AGTPBP1: variants seen among roughly 807,000 people sequenced by gnomAD.
AGTPBP1 encodes cytosolic carboxypeptidase 1.
A neutral mutation model predicts 143.9 loss-of-function variants in AGTPBP1; 70 were observed. The ratio of observed to expected loss-of-function variants is 0.49; its 90% CI spans 0.40 to 0.59. AGTPBP1 has a LOEUF of 0.59. AGTPBP1 is among the 20% of genes least tolerant of loss of function. The probability of loss-of-function intolerance (pLI) is 0.00; values close to 1 mark genes in which losing one functional copy is unlikely to be tolerated. For missense variants in AGTPBP1, 1,229 were observed against 1,464.5 expected (o/e 0.84, Z 2.62); for synonymous variants, 463 against 500.2 (o/e 0.93, Z 0.99).
chr9:85,549,714 G>C (rs1442587732), intron 25 of AGTPBP1, among the ~76,000 whole-genome samples: 1 of 152,170 alleles, frequency 6.6e-6, no homozygotes, highest in Non-Finnish European at 1.5e-5. Context: ...AGCAATGTTG[G>C]TATCAGGTGT....
chr9:85,701,313 T>G (rs968486005), intron 2 of AGTPBP1, among the ~76,000 whole-genome samples: 1 of 151,438 alleles, frequency 6.6e-6, no homozygotes, highest in Non-Finnish European at 1.5e-5. Context: ...CACTGCAACC[T>G]CTGCTTCCCT....
At chr9:85,629,911 G>C (rs762283909) in intron 14 of AGTPBP1, among the ~76,000 whole-genome samples, 1 of 152,154 alleles carries the variant, frequency 6.6e-6, no homozygotes, top group Non-Finnish European at 1.5e-5. Flanking sequence ...TTAAGGCTGA[G>C]AATCAGAGGC....
intron 3 of AGTPBP1, among the ~76,000 whole-genome samples, chr9:85,692,259 T>C (rs1312007508): frequency 6.6e-6 from 1 of 151,818 alleles, no homozygotes; most frequent in African/African-American, 2.4e-5. Flanking sequence ...TCGAGTCAAT[T>C]TGAGAAAGTT....
intron 25 of AGTPBP1, among the ~76,000 whole-genome samples, chr9:85,562,497 C>G (rs985215874): frequency 6.6e-5 from 10 of 152,196 alleles, no homozygotes; most frequent in African/African-American, 2.4e-4. Context: ...TTAACTCACA[C>G]ACTCAGAAGT....
At chr9:85,675,577 A>G (rs929547820) in intron 6 of AGTPBP1, among the ~76,000 whole-genome samples, 3 of 152,164 alleles carry the variant, frequency 2.0e-5, no homozygotes, top group Non-Finnish European at 2.9e-5. Context: ...AACAATACCC[A>G]TATTGCATGT....
chr9:85,659,042 T>C (rs1257132971), intron 9 of AGTPBP1, among the ~76,000 whole-genome samples: 1 of 152,196 alleles, frequency 6.6e-6, no homozygotes, highest in Admixed American at 6.5e-5. Flanking sequence ...AAACCTTGTG[T>C]GTTTCCACCA....
intron 25 of AGTPBP1, among the ~76,000 whole-genome samples, chr9:85,574,034 G>C (rs1185793831): frequency 1.3e-5 from 2 of 152,242 alleles, no homozygotes; most frequent in African/African-American, 4.8e-5. Flanking sequence ...AGAAAAGGGG[G>C]AAAGGTGGGG....
intron 7 of AGTPBP1, 60 bp downstream of exon 7, chr9:85,672,490 A>T: frequency 6.4e-7 from 1 of 1,552,944 alleles, no homozygotes; most frequent in Non-Finnish European, 8.7e-7. Context: ...AGGATACTTT[A>T]AAATTCTTTT....
At chr9:85,685,266 T>C (rs1490026223) in intron 3 of AGTPBP1, among the ~76,000 whole-genome samples, 1 of 151,832 alleles carries the variant, frequency 6.6e-6, no homozygotes, top group East Asian at 1.9e-4. Context: ...TTCAAAAATC[T>C]CAGTGAATTC....
chr9:85,680,429 C>T (rs1835096517), intron 4 of AGTPBP1, among the ~76,000 whole-genome samples: 1 of 151,942 alleles, frequency 6.6e-6, no homozygotes, highest in South Asian at 2.1e-4. Flanking sequence ...ACTAAAAATA[C>T]AAAAATTAGC....
chr9:85,629,104 A>C (rs972968314), intron 14 of AGTPBP1, among the ~76,000 whole-genome samples: 1 of 152,178 alleles, frequency 6.6e-6, no homozygotes. Flanking sequence ...CAACATATCT[A>C]TGTTTAAAAC....
chr9:85,773,373 C>T, the AGTPBP1 span, among the ~76,000 whole-genome samples: 1 of 122,394 alleles, frequency 8.2e-6, no homozygotes, highest in African/African-American at 3.2e-5. Flanking sequence ...TGCTCTTGCA[C>T]CCAGGCTGGA....
At chr9:85,701,458 GA>G (rs1431089657) in intron 2 of AGTPBP1, among the ~76,000 whole-genome samples, 3 of 151,792 alleles carry the variant, frequency 2.0e-5, no homozygotes, top group Non-Finnish European at 4.4e-5. Flanking sequence ...TTAAACTCCT[GA>G]CCTCAGGTAA....
At chr9:85,802,431 C>A in the AGTPBP1 span, among the ~76,000 whole-genome samples, 36 of 152,194 alleles carry the variant, frequency 2.4e-4, no homozygotes, top group Middle Eastern at 6.8e-3. Context: ...CTGAATATGG[C>A]TAGAGAAAAT....
intron 25 of AGTPBP1, among the ~76,000 whole-genome samples, chr9:85,551,145 G>A (rs376519705): frequency 4.6e-5 from 7 of 152,028 alleles, no homozygotes; most frequent in South Asian, 4.2e-4. Flanking sequence ...CCAAGCAGAC[G>A]GTGGCACCAT....
At chr9:85,742,160 G>A, upstream of AGTPBP1, 1 of 565,822 alleles carries the variant, frequency 1.8e-6, no homozygotes, top group Non-Finnish European at 2.4e-6. Context: ...GAGGGAGCGC[G>A]CGCGTGGGGG....
At chr9:85,782,747 G>A in the AGTPBP1 span, among the ~76,000 whole-genome samples, 2 of 152,108 alleles carry the variant, frequency 1.3e-5, no homozygotes, top group African/African-American at 2.4e-5. Context: ...GATAAAAGTT[G>A]CCTGAGGATA....
chr9:85,734,879 A>G (rs766472506), intron 1 of AGTPBP1, among the ~76,000 whole-genome samples: 4 of 151,726 alleles, frequency 2.6e-5, no homozygotes, highest in African/African-American at 4.8e-5. Context: ...TAAAAATACA[A>G]AAAAAAATTA....
the AGTPBP1 span, among the ~76,000 whole-genome samples, chr9:85,784,090 T>A: frequency 5.9e-5 from 9 of 152,254 alleles, no homozygotes; most frequent in African/African-American, 2.2e-4. Context: ...GAGGATAAAA[T>A]CAGTTTTATA....
Sources: gnomAD v4.1 joint callset for allele counts (sites outside exome capture counted in the v4.1 genomes callset) on GRCh38, gnomAD v4.1.1 for gene constraint, MANE v1.5 for transcripts, NCBI Gene and HGNC (gene_info 2026-07-23, HGNC 2026-07-21) for gene names.